ITGA9: variants seen among roughly 807,000 people sequenced by gnomAD.
The protein encoded by ITGA9 is integrin alpha-9.
In ITGA9, 56 loss-of-function variants were observed where a neutral mutation model predicts 127.8. The ratio of observed to expected loss-of-function variants is 0.44; its 90% CI spans 0.35 to 0.55. The LOEUF is 0.55. Ranked by LOEUF, ITGA9 falls within the 20% of genes least tolerant of loss-of-function variation. The probability of loss-of-function intolerance (pLI) is 0.00; values close to 1 mark genes in which losing one functional copy is unlikely to be tolerated. For missense variants in ITGA9, 1,196 were observed against 1,347.1 expected (o/e 0.89, Z 1.76); for synonymous variants, 508 against 514.5 (o/e 0.99, Z 0.17).
chr3:37,736,799 A>T (rs1185766549), intron 19 of ITGA9, 105 bp from the exon 20 acceptor site: 2 of 792,158 alleles, frequency 2.5e-6, no homozygotes. Context: ...ACTAAAGCTT[A>T]TCATGCAAAT....
intron 21 of ITGA9, among the ~76,000 whole-genome samples, chr3:37,743,543 A>G (rs896412973): frequency 2.0e-5 from 3 of 152,256 alleles, no homozygotes; most frequent in African/African-American, 7.2e-5. Context: ...TGCCAAATAC[A>G]TAACTCATTT....
chr3:37,549,707 A>T (rs527548726), intron 15 of ITGA9, among the ~76,000 whole-genome samples: 14 of 152,306 alleles, frequency 9.2e-5, no homozygotes, highest in African/African-American at 2.6e-4. Context: ...TATAAGCATG[A>T]TTCCCTTCAA....
At chr3:37,669,162 G>GGTGTCA (rs1323540688) in intron 17 of ITGA9, among the ~76,000 whole-genome samples, 10 of 152,310 alleles carry the variant, frequency 6.6e-5, no homozygotes, top group Admixed American at 6.5e-4. Context: ...GGTTGCCATT[G>GGTGTCA]GTGTCACACC....
chr3:37,671,245 G>A (rs1700634776), intron 17 of ITGA9, among the ~76,000 whole-genome samples: 1 of 152,220 alleles, frequency 6.6e-6, no homozygotes, highest in Admixed American at 6.5e-5. Flanking sequence ...TACTCCTAAA[G>A]TCAAGGCTGA....
chr3:37,551,049 C>T (rs1283010274), intron 15 of ITGA9, among the ~76,000 whole-genome samples: 1 of 152,088 alleles, frequency 6.6e-6, no homozygotes. Flanking sequence ...TTCTTGTTTC[C>T]TGTGGCTTTT....
At chr3:37,626,628 G>A (rs538745916) in intron 15 of ITGA9, among the ~76,000 whole-genome samples, 2 of 152,216 alleles carry the variant, frequency 1.3e-5, no homozygotes, top group African/African-American at 2.4e-5. Context: ...AGGCTGCAGT[G>A]AGCTATGATT....
In ITGA9 at chr3:37,807,189, C is replaced by A. The variant is rs1697309404; in HGVS notation, c.3009+3247C>A. On this transcript the variant is annotated intron_variant, in intron 27 of 27. Coordinates refer to ENST00000264741, the MANE Select transcript of ITGA9 (RefSeq NM_002207.3). The stretch of plus-strand genomic sequence containing the variant: ...TGCCTGACATGAGGCCTTAAGGGGG[C>A]TGCTTACCTTCTGTGACCCTCAGTT... 2 of 152,288 alleles carry A rather than the reference C, an allele frequency of 1.3e-5. 1 individual carries two copies. The highest frequency in any genetic ancestry group is 4.1e-4 in the South Asian group (2 of 4,832). The allele number at this position is 152,288 out of a possible 1,614,324, so 9.4% of individuals were successfully genotyped here. A position where few individuals can be genotyped will look rare whatever the true frequency, so the allele number is the denominator to read the frequency against.
chr3:37,634,511 T>C (rs1700258835), intron 16 of ITGA9, among the ~76,000 whole-genome samples: 1 of 152,152 alleles, frequency 6.6e-6, no homozygotes, highest in South Asian at 2.1e-4. Context: ...ACGAAGATCA[T>C]TATACAATGA....
At chr3:37,715,730 A>G (rs926040823) in intron 18 of ITGA9, among the ~76,000 whole-genome samples, 2 of 152,238 alleles carry the variant, frequency 1.3e-5, no homozygotes, top group Non-Finnish European at 2.9e-5. Flanking sequence ...CCATTGAAGC[A>G]TGAGATAGGA....
At position 37,822,049 on chromosome 3, in the gene ITGA9, G is replaced by T. The variant is rs888536428; in HGVS notation, c.*3060G>T. The T allele has an allele frequency of 1.3e-5, 2 of 152,100 alleles. No individual in the cohort carries two copies. Among genetic ancestry groups the T allele is most frequent in the African/African-American group, 4.8e-5 (2 of 41,420 alleles). 9.4% of individuals were successfully genotyped at this position (152,100 alleles called of 1,614,324 possible). A position where few individuals can be genotyped will look rare whatever the true frequency, so the allele number is the denominator to read the frequency against. On this transcript the variant is annotated 3_prime_UTR_variant, in exon 28 of 28. Transcript: ENST00000264741. Reference sequence around the variant, plus strand: ...AGAAGCCCTCTCTATGCTCTCAGGGGAAGCAGATGGGGTGGATCAGTACAT... The same window carrying T: ...AGAAGCCCTCTCTATGCTCTCAGGGTAAGCAGATGGGGTGGATCAGTACAT...
intron 13 of ITGA9, among the ~76,000 whole-genome samples, chr3:37,531,136 G>C: frequency 9.4e-6 from 1 of 106,506 alleles, no homozygotes; most frequent in Admixed American, 1.0e-4. Flanking sequence ...CTCAGAGGCT[G>C]GCACATTTGT....
intron 27 of ITGA9, among the ~76,000 whole-genome samples, chr3:37,809,934 C>T (rs562836817): frequency 1.2e-4 from 18 of 152,264 alleles, no homozygotes; most frequent in Non-Finnish European, 2.2e-4. Context: ...TTAATGTTTC[C>T]GGCTTATTGC....
chr3:37,461,030 G>A (rs943257053), intron 1 of ITGA9, among the ~76,000 whole-genome samples: 2 of 152,116 alleles, frequency 1.3e-5, no homozygotes, highest in Non-Finnish European at 2.9e-5. Flanking sequence ...TGTGATGTAT[G>A]TGGATCCCAG....
In ITGA9 at chr3:37,452,542, C is replaced by A. The variant is rs1286137517; in HGVS notation, c.168C>A (p.Phe56Leu). The change falls in exon 1 of 28, where the codon TTC (phenylalanine) becomes TTA (leucine). Residue 56 changes from phenylalanine (F) to leucine (L), a missense_variant. Coordinates refer to ENST00000264741, the MANE Select transcript of ITGA9 (RefSeq NM_002207.3). The surrounding 1 kb of genome is among the most constrained non-coding windows in gnomAD (Gnocchi z 7.3). ...TCGGCTACGCAGTTCTGGAGCATTT[C>A]CACGACAACACGCGCTGGTGAGTGC... ...SFFGYAVLEHFHDNTRWVLVG... is the reference protein window; with the variant it reads ...SFFGYAVLEHLHDNTRWVLVG... 6.6e-7 allele frequency: 1 copy of A among 1,525,460 alleles called. No individual in the cohort carries two copies. The highest frequency in any genetic ancestry group is 1.2e-5 in the South Asian group (1 of 81,694). 94.5% of individuals were successfully genotyped at this position (1,525,460 alleles called of 1,614,324 possible). A position where few individuals can be genotyped will look rare whatever the true frequency, so the allele number is the denominator to read the frequency against.
At chr3:37,535,549 G>A (rs374302677) in intron 14 of ITGA9, among the ~76,000 whole-genome samples, 2 of 152,312 alleles carry the variant, frequency 1.3e-5, no homozygotes, top group South Asian at 2.1e-4. Context: ...GGGGTAAAGT[G>A]GAAGAGGCTG....
intron 15 of ITGA9, among the ~76,000 whole-genome samples, chr3:37,610,392 G>A (rs1349084241): frequency 2.0e-5 from 3 of 152,090 alleles, no homozygotes; most frequent in African/African-American, 7.2e-5. Context: ...AAATAGAAGA[G>A]GGAGAAATGA....
chr3:37,696,666 G>A (rs1315021210), intron 18 of ITGA9, among the ~76,000 whole-genome samples: 1 of 152,160 alleles, frequency 6.6e-6, no homozygotes, highest in East Asian at 1.9e-4. Context: ...ACCCAGGCTT[G>A]AACTGCAATT....
At chr3:37,541,371 G>C (rs959288058) in intron 14 of ITGA9, among the ~76,000 whole-genome samples, 4 of 152,078 alleles carry the variant, frequency 2.6e-5, no homozygotes, top group African/African-American at 7.2e-5. Flanking sequence ...AAATAAAAAG[G>C]GTTACGGAGG....
intron 18 of ITGA9, among the ~76,000 whole-genome samples, chr3:37,713,049 A>G (rs1701095375): frequency 6.6e-6 from 1 of 152,188 alleles, no homozygotes; most frequent in Non-Finnish European, 1.5e-5. Context: ...TCACCTTTCC[A>G]GTCCTTGGTC....
Sources: allele counts gnomAD v4.1 joint callset (sites outside exome capture counted in the v4.1 genomes callset), GRCh38; gene constraint gnomAD v4.1.1; non-coding constraint Gnocchi (gnomAD v3.1); transcripts MANE v1.5; gene names NCBI Gene and HGNC (gene_info 2026-07-23, HGNC 2026-07-21).